Variants in TAFA5 observed in about 807,000 individuals in gnomAD.
TAFA5 encodes chemokine-like protein TAFA-5.
Under a neutral mutation model 15.3 loss-of-function variants are expected in TAFA5, and 6 were observed. That is an observed-to-expected ratio of 0.39 (90% confidence interval 0.21 to 0.77). The LOEUF (loss-of-function observed/expected upper bound fraction) is 0.77, where lower values mean the gene tolerates loss of function less well. Ranked by LOEUF, TAFA5 falls within the 30% of genes least tolerant of loss-of-function variation. The probability of loss-of-function intolerance (pLI) is 0.41; values close to 1 mark genes in which losing one functional copy is unlikely to be tolerated. For synonymous variants in TAFA5, 103 were observed against 80.7 expected (o/e 1.28, Z -1.48); for missense variants, 161 against 193.1 (o/e 0.83, Z 0.98).
chr22:48,585,806 A>G (rs1021851114), intron 1 of TAFA5, among the ~76,000 whole-genome samples: 3 of 152,118 alleles, frequency 2.0e-5, no homozygotes, highest in Admixed American at 6.5e-5. Context: ...AAGGCCACGC[A>G]CACACAAAGC....
chr22:48,663,738 T>A (rs1180981642), intron 2 of TAFA5, among the ~76,000 whole-genome samples: 3 of 152,226 alleles, frequency 2.0e-5, no homozygotes, highest in Non-Finnish European at 2.9e-5. Context: ...GAACCCTCCC[T>A]TTTCCTGGCA....
At chr22:48,543,207 C>T (rs1206544751) in intron 1 of TAFA5, 2 of 152,136 alleles carry the variant, frequency 1.3e-5, no homozygotes, top group Non-Finnish European at 2.9e-5. Flanking sequence ...AAATGAGGAT[C>T]TCTGACGCTT....
chr22:48,666,572 G>A (rs1311152708), intron 2 of TAFA5, among the ~76,000 whole-genome samples: 1 of 152,340 alleles, frequency 6.6e-6, no homozygotes, highest in South Asian at 2.1e-4. Context: ...ACGGAGGCCC[G>A]TGACCTGGTG....
chr22:48,717,091 C>T (rs914858723), intron 3 of TAFA5, among the ~76,000 whole-genome samples: 2 of 152,214 alleles, frequency 1.3e-5, no homozygotes, highest in South Asian at 2.1e-4. Flanking sequence ...TGAATGAATA[C>T]AGTCGCATCC....
At chr22:48,744,203 T>C (rs914656190) in intron 3 of TAFA5, among the ~76,000 whole-genome samples, 1 of 151,972 alleles carries the variant, frequency 6.6e-6, no homozygotes, top group Non-Finnish European at 1.5e-5. Context: ...TGGCCCTTAG[T>C]CCCTGACATT....
At chr22:48,662,716 C>T (rs1490571544) in intron 2 of TAFA5, among the ~76,000 whole-genome samples, 1 of 152,198 alleles carries the variant, frequency 6.6e-6, no homozygotes, top group East Asian at 1.9e-4. Context: ...GTCAGACTGG[C>T]AAGCCTGCTT....
At chr22:48,611,003 G>T (rs1414558222) in intron 1 of TAFA5, among the ~76,000 whole-genome samples, 1 of 150,958 alleles carries the variant, frequency 6.6e-6, no homozygotes, top group Non-Finnish European at 1.5e-5. Flanking sequence ...GTGCAGTCTC[G>T]GCTCGCTGCA....
rs182498213 is a variant in TAFA5, at chr22:48,693,709, C to T, written c.263-14008C>T. On this transcript the variant is annotated intron_variant, in intron 2 of 3. Transcript: ENST00000402357. Reference sequence around the variant, plus strand: ...TCCTGCTCCAGGCCTCATTCCTACTCTCTCTCAGTCCTGCTCCGGGCCTTG... The same window carrying T: ...TCCTGCTCCAGGCCTCATTCCTACTTTCTCTCAGTCCTGCTCCGGGCCTTG... Among the ~76,000 whole-genome samples the T allele has an allele frequency of 1.4e-4, 22 of 152,268 alleles. No individual in the cohort carries two copies. In the East Asian group the frequency reaches 4.3e-3, roughly 29 times the overall value.
At chr22:48,500,156 A>G (rs1920944359) in intron 1 of TAFA5, among the ~76,000 whole-genome samples, 1 of 151,990 alleles carries the variant, frequency 6.6e-6, no homozygotes, top group African/African-American at 2.4e-5. Flanking sequence ...CAATTTTAGG[A>G]TGATAAAAAC....
intron 1 of TAFA5, among the ~76,000 whole-genome samples, chr22:48,580,891 TTATGGCCCTGA>T (rs751530592): frequency 1.6e-4 from 25 of 152,152 alleles, no homozygotes; most frequent in Admixed American, 8.5e-4. Flanking sequence ...TGCATTGTTT[TTATGGCCCTGA>T]TGAGGTGTGC....
intron 2 of TAFA5, among the ~76,000 whole-genome samples, chr22:48,695,335 G>A (rs1191860505): frequency 6.6e-6 from 1 of 152,188 alleles, no homozygotes; most frequent in East Asian, 1.9e-4. Context: ...TCAGACAGCT[G>A]AGATGTGTTT....
intron 1 of TAFA5, among the ~76,000 whole-genome samples, chr22:48,493,576 G>A (rs1168759212): frequency 2.0e-5 from 3 of 152,218 alleles, no homozygotes; most frequent in African/African-American, 7.2e-5. Context: ...TAATGAAGTG[G>A]TGCCGTTCAG....
chr22:48,670,853 AC>A (rs773115593), intron 2 of TAFA5, among the ~76,000 whole-genome samples: 91 of 152,102 alleles, frequency 6.0e-4, no homozygotes, highest in Non-Finnish European at 9.1e-4. Context: ...GCCTCTGGTG[AC>A]TCTCTGTACA....
chr22:48,526,806 T>A (rs937380642), intron 1 of TAFA5, among the ~76,000 whole-genome samples: 12 of 152,262 alleles, frequency 7.9e-5, no homozygotes, highest in African/African-American at 2.7e-4. Flanking sequence ...AAAAATATGC[T>A]GTCAAAATAT....
At chr22:48,575,709 A>G (rs1923751705) in intron 1 of TAFA5, among the ~76,000 whole-genome samples, 1 of 140,732 alleles carries the variant, frequency 7.1e-6, no homozygotes, top group Non-Finnish European at 1.6e-5. Flanking sequence ...GGCTGCTGGG[A>G]GCGCAGAGGC....
At chr22:48,582,711 C>T (rs1924114866) in intron 1 of TAFA5, among the ~76,000 whole-genome samples, 1 of 148,376 alleles carries the variant, frequency 6.7e-6, no homozygotes. Flanking sequence ...ACAAAATACA[C>T]CACACACTAC....
intron 1 of TAFA5, among the ~76,000 whole-genome samples, chr22:48,634,112 A>ATTCACTCG (rs1327292272): frequency 4.5e-5 from 4 of 88,054 alleles, no homozygotes; most frequent in Non-Finnish European, 8.7e-5. Flanking sequence ...CTTGACGTTC[A>ATTCACTCG]CTCACTCGCT....
intron 1 of TAFA5, among the ~76,000 whole-genome samples, chr22:48,577,458 G>A (rs1033740040): frequency 3.3e-5 from 5 of 152,192 alleles, no homozygotes; most frequent in African/African-American, 4.8e-5. Flanking sequence ...GGGCACCCCT[G>A]CTCATGGTTA....
rs116042287 is a variant in TAFA5, at chr22:48,648,071, C to T, written c.262+1325C>T. ...TAGGGGTGTCGCTGGCCAGTGGCCCCTCCAGTCCTTGGTGGACTTCAGGGC... is the reference window on the plus strand; with the variant it reads ...TAGGGGTGTCGCTGGCCAGTGGCCCTTCCAGTCCTTGGTGGACTTCAGGGC... On this transcript the variant is annotated intron_variant, in intron 2 of 3. Coordinates refer to ENST00000402357, the MANE Select transcript of TAFA5 (RefSeq NM_001082967.3). 4.8e-3 allele frequency among the ~76,000 whole-genome samples: 738 copies of T among 152,280 alleles called. 7 individuals carry two copies. Among genetic ancestry groups the T allele is most frequent in the African/African-American group, 0.017 (703 of 41,556 alleles).
Sources: allele counts gnomAD v4.1 joint callset (sites outside exome capture counted in the v4.1 genomes callset), GRCh38; gene constraint gnomAD v4.1.1; transcripts MANE v1.5; gene names NCBI Gene and HGNC (gene_info 2026-07-23, HGNC 2026-07-21).